MALRD1: variants seen among roughly 807,000 people sequenced by gnomAD.
MALRD1 encodes the protein MAM and LDL-receptor class A domain-containing protein 1.
MALRD1 carries 247 observed loss-of-function variants against 242.1 expected under a neutral mutation model. That is an observed-to-expected ratio of 1.02 (90% CI 0.92 to 1.13). The LOEUF is 1.13. Among genes scored for constraint, MALRD1 ranks in the 50% most tolerant of loss-of-function variants. The pLI is 0.00. For synonymous variants in MALRD1, 995 were observed against 866.6 expected, an observed-to-expected ratio of 1.15 and a Z score of -2.60; for missense variants, 2,989 against 2,533.1, an observed-to-expected ratio of 1.18 and a Z score of -3.86.
chr10:19,471,509 G>A (rs2131139910), intron 29 of MALRD1, among the ~76,000 whole-genome samples: 1 of 151,256 alleles, frequency 6.6e-6, no homozygotes, highest in African/African-American at 2.4e-5. Flanking sequence ...CTGAATGTGT[G>A]GATCACTTTG....
intron 32 of MALRD1, among the ~76,000 whole-genome samples, chr10:19,549,421 G>A (rs548242895): frequency 6.6e-6 from 1 of 152,242 alleles, no homozygotes; most frequent in African/African-American, 2.4e-5. Context: ...TTATTGTCTT[G>A]TTTTAAGAAA....
chr10:19,262,074 C>A (rs1001498246), intron 19 of MALRD1, among the ~76,000 whole-genome samples: 1 of 152,136 alleles, frequency 6.6e-6, no homozygotes, highest in Admixed American at 6.5e-5. Context: ...ATCATTTGCT[C>A]TTCCAAGTCG....
chr10:19,276,782 A>G (rs773595907), intron 19 of MALRD1, among the ~76,000 whole-genome samples: 1 of 152,072 alleles, frequency 6.6e-6, no homozygotes, highest in Non-Finnish European at 1.5e-5. Context: ...AGTATATCCA[A>G]CTGGATGTGA....
chr10:19,515,017 C>T (rs533465885), intron 31 of MALRD1, among the ~76,000 whole-genome samples: 26 of 152,060 alleles, frequency 1.7e-4, no homozygotes, highest in Middle Eastern at 6.8e-3. Flanking sequence ...TATGTCCATT[C>T]AGTGTTTGTT....
intron 34 of MALRD1, among the ~76,000 whole-genome samples, chr10:19,600,386 TACAC>T (rs1838292460): frequency 6.6e-6 from 1 of 152,226 alleles, no homozygotes; most frequent in African/African-American, 2.4e-5. Context: ...GAGTGCATAA[TACAC>T]ACAATAAATT....
chr10:19,685,077 A>G (rs1842526189), intron 36 of MALRD1, among the ~76,000 whole-genome samples: 1 of 152,214 alleles, frequency 6.6e-6, no homozygotes, highest in Non-Finnish European at 1.5e-5. Flanking sequence ...TACAGTATAC[A>G]TATATAAACA....
chr10:19,722,921 A>G (rs567515333), intron 38 of MALRD1, among the ~76,000 whole-genome samples: 43 of 152,316 alleles, frequency 2.8e-4, no homozygotes, highest in South Asian at 1.5e-3. Context: ...GCCATATACT[A>G]ATCAACTTAG....
chr10:19,149,084 C>G (rs1833840116), intron 11 of MALRD1, among the ~76,000 whole-genome samples: 1 of 135,048 alleles, frequency 7.4e-6, no homozygotes, highest in Non-Finnish European at 1.7e-5. Context: ...GTCCATCTAT[C>G]TATCTATCTA....
intron 38 of MALRD1, among the ~76,000 whole-genome samples, chr10:19,722,992 A>C (rs556692750): frequency 6.6e-6 from 1 of 152,270 alleles, no homozygotes; most frequent in African/African-American, 2.4e-5. Flanking sequence ...TGTTGGGTGA[A>C]TGTCAATAAG....
chr10:19,271,773 A>C (rs997914645), intron 19 of MALRD1, among the ~76,000 whole-genome samples: 4 of 152,212 alleles, frequency 2.6e-5, no homozygotes, highest in Non-Finnish European at 5.9e-5. Context: ...AAAAAAATAT[A>C]AAAGTTAACT....
intron 24 of MALRD1, among the ~76,000 whole-genome samples, chr10:19,346,345 T>TGC (rs1342388644): frequency 6.6e-6 from 1 of 152,296 alleles, no homozygotes; most frequent in African/African-American, 2.4e-5. Context: ...CTTTGGCTTG[T>TGC]GCATTGGAGA....
chr10:19,460,682 C>T (rs2131093226), intron 29 of MALRD1, among the ~76,000 whole-genome samples: 1 of 152,160 alleles, frequency 6.6e-6, no homozygotes, highest in East Asian at 1.9e-4. Flanking sequence ...ATGTATGACT[C>T]TACCTAAAAC....
intron 31 of MALRD1, among the ~76,000 whole-genome samples, chr10:19,509,447 A>G (rs1662865686): frequency 6.6e-6 from 1 of 152,178 alleles, no homozygotes; most frequent in Non-Finnish European, 1.5e-5. Flanking sequence ...TTGGTTATCT[A>G]GGAACTCAAA....
At chr10:19,238,498 A>AATGT (rs771305023) in intron 18 of MALRD1, among the ~76,000 whole-genome samples, 1 of 7,146 alleles carries the variant, frequency 1.4e-4, no homozygotes, top group Non-Finnish European at 2.8e-4. Context: ...TATAATATAT[A>AATGT]ATATAATATA....
intron 32 of MALRD1, among the ~76,000 whole-genome samples, chr10:19,546,154 T>A (rs905381863): frequency 9.2e-5 from 14 of 152,248 alleles, no homozygotes; most frequent in African/African-American, 3.4e-4. Flanking sequence ...GTTCTATTTC[T>A]ATAGATGGAT....
At chr10:19,430,495 A>G (rs1037327074) in intron 28 of MALRD1, among the ~76,000 whole-genome samples, 2 of 151,768 alleles carry the variant, frequency 1.3e-5, no homozygotes. Flanking sequence ...TTTATATTAC[A>G]CCTTGCTAAT....
intron 1 of MALRD1, among the ~76,000 whole-genome samples, chr10:19,060,008 G>T (rs1010570149): frequency 1.1e-4 from 16 of 152,330 alleles, no homozygotes; most frequent in Non-Finnish European, 1.9e-4. Flanking sequence ...GGCAAGAAAA[G>T]TGTTATGTAG....
In MALRD1 at chr10:19,531,308, T is replaced by A; in HGVS notation, c.5435T>A (p.Phe1812Tyr). ...PASLGMCTVR[F>Y]WFYMIDPRSM... ...AGCCTTGGAATGTGTACTGTTCGGTTCTGGTTCTACATGATTGATCCCAGG... is the reference window on the plus strand; with the variant it reads ...AGCCTTGGAATGTGTACTGTTCGGTACTGGTTCTACATGATTGATCCCAGG... Residue 1812 changes from phenylalanine (F) to tyrosine (Y), a missense_variant, in exon 32 of 40, where the codon TTC (phenylalanine) becomes TAC (tyrosine). Phe to Tyr is a conservative substitution (Grantham distance 22). Coordinates refer to ENST00000454679, the MANE Select transcript of MALRD1 (RefSeq NM_001142308.3). 1 of 1,549,796 alleles carries A rather than the reference T, an allele frequency of 6.5e-7. No homozygotes were observed. Among genetic ancestry groups the A allele is most frequent in the Non-Finnish European group, 8.7e-7 (1 of 1,146,386 alleles).
chr10:19,355,043 T>C (rs1049336648), intron 26 of MALRD1, among the ~76,000 whole-genome samples: 3 of 152,136 alleles, frequency 2.0e-5, no homozygotes, highest in Admixed American at 6.5e-5. Context: ...TTAGAGCTCA[T>C]AGGAGGGAAA....
Sources: allele counts gnomAD v4.1 joint callset (sites outside exome capture counted in the v4.1 genomes callset), GRCh38; gene constraint gnomAD v4.1.1; transcripts MANE v1.5; gene names NCBI Gene and HGNC (gene_info 2026-07-23, HGNC 2026-07-21).